The following SETD5 variants were observed in gnomAD, a reference collection of about 807,000 sequenced individuals.
SETD5 encodes the protein SET domain containing 5.
In SETD5, 44 loss-of-function variants were observed where a neutral mutation model predicts 153.3. That is an observed-to-expected ratio of 0.29 (90% CI 0.23 to 0.37). The LOEUF (loss-of-function observed/expected upper bound fraction) is 0.37. Ranked by LOEUF, SETD5 falls within the 10% of genes least tolerant of loss-of-function variation. SETD5 has a pLI of 1.00. For synonymous variants in SETD5, 716 were observed against 645.2 expected (o/e 1.11, Z -1.66); for missense variants, 1,544 against 1,768.0 (o/e 0.87, Z 2.27).
intron 18 of SETD5, chr3:9,468,450 T>G: frequency 3.1e-6 from 4 of 1,276,328 alleles, no homozygotes; most frequent in Non-Finnish European, 4.1e-6. Context: ...CTTGCTTTTA[T>G]TTTTTGTTTT....
chr3:9,417,525 G>T (rs969700562), intron 1 of SETD5, among the ~76,000 whole-genome samples: 2 of 143,414 alleles, frequency 1.4e-5, no homozygotes, highest in Non-Finnish European at 3.0e-5. Flanking sequence ...TCGCTCTATC[G>T]CCCAGGCTGG....
intron 13 of SETD5, among the ~76,000 whole-genome samples, chr3:9,445,962 GTTGT>G (rs1250696171): frequency 2.5e-5 from 3 of 120,248 alleles, no homozygotes; most frequent in Admixed American, 8.8e-5. Flanking sequence ...GTTTGAAGAG[GTTGT>G]TTTTTTTTTT....
At chr3:9,430,274 G>A in intron 3 of SETD5, 1 of 984,758 alleles carries the variant, frequency 1.0e-6, no homozygotes, top group Non-Finnish European at 1.2e-6. Flanking sequence ...GTTCCTTAAA[G>A]AGGAAGACTT....
chr3:9,454,991 T>C (rs1231560402), intron 17 of SETD5, among the ~76,000 whole-genome samples: 2 of 152,088 alleles, frequency 1.3e-5, no homozygotes, highest in Non-Finnish European at 2.9e-5. Flanking sequence ...CACTTCATTG[T>C]TCCTGTTTAC....
chr3:9,429,004 A>C lies in SETD5; in HGVS notation c.66A>C (p.Gly22=). 1 of 1,612,208 alleles carries C rather than the reference A, an allele frequency of 6.2e-7. No individual in the cohort carries two copies. The highest frequency in any genetic ancestry group is 8.5e-7 in the Non-Finnish European group (1 of 1,178,834). ...CATCCTACTCAGATATGGCTGCTGG[A>C]TCAGAGTAAGTGCTACTTTCTAGGT... The part of the protein sequence containing the change: ...SDTSYSDMAA[G]SDPESVEASP... The change falls in exon 3 of 23, where the codon GGA becomes GGC. Residue 22 remains glycine (G), a synonymous_variant. Transcript: ENST00000402198.
At chr3:9,432,486 A>T (rs1297665123) in intron 3 of SETD5, among the ~76,000 whole-genome samples, 1 of 152,104 alleles carries the variant, frequency 6.6e-6, no homozygotes, top group Non-Finnish European at 1.5e-5. Context: ...GCATTATTTG[A>T]CTCCCTGAAA....
intron 15 of SETD5, 132 bp downstream of exon 15, chr3:9,448,138 A>G: frequency 2.5e-6 from 3 of 1,193,762 alleles, no homozygotes; most frequent in Non-Finnish European, 3.4e-6. Context: ...GCTTTGACAC[A>G]AAAGGCTGGA....
At chr3:9,466,316 C>A (rs1274273465) in intron 18 of SETD5, among the ~76,000 whole-genome samples, 7 of 146,296 alleles carry the variant, frequency 4.8e-5, no homozygotes, top group Admixed American at 6.8e-5. Flanking sequence ...AAAAGAAAAT[C>A]AGAAGGTAAG....
intron 3 of SETD5, chr3:9,429,779 C>G: frequency 8.2e-7 from 1 of 1,217,668 alleles, no homozygotes; most frequent in Non-Finnish European, 1.1e-6. Flanking sequence ...CACAGATTCC[C>G]CCTCTTGTCC....
At chr3:9,468,162 A>T (rs2044839089) in intron 18 of SETD5, among the ~76,000 whole-genome samples, 1 of 151,748 alleles carries the variant, frequency 6.6e-6, no homozygotes, top group Non-Finnish European at 1.5e-5. Flanking sequence ...GGTGCCCCTC[A>T]ATAACAAATA....
At position 9,476,042 on chromosome 3, in the gene SETD5, T is replaced by G; in HGVS notation, c.4280T>G (p.Leu1427Arg). The G allele has an allele frequency of 6.2e-7, 1 of 1,611,838 alleles. No individual in the cohort carries two copies. Among genetic ancestry groups the G allele is most frequent in the South Asian group, 1.1e-5 (1 of 91,040 alleles). The stretch of plus-strand genomic sequence containing the variant: ...AGTGGGGGTGTGCACCAGTACCGAC[T>G]CCAGCCACTGCAAGGGTCAGGAGTC... ...RGSGGVHQYR[L>R]QPLQGSGVKT... The change falls in exon 23 of 23, where the codon CTC (leucine) becomes CGC (arginine). Residue 1427 changes from leucine to arginine, a missense_variant. By Grantham distance (102) the Leu-to-Arg change is moderately radical. This residue lies in a region of SETD5 where 302 missense variants were observed against 277.6 expected (regional missense o/e 1.09). Coordinates refer to ENST00000402198, the MANE Select transcript of SETD5 (RefSeq NM_001080517.3).
At chr3:9,457,114 G>A (rs1299552951) in intron 17 of SETD5, among the ~76,000 whole-genome samples, 2 of 152,208 alleles carry the variant, frequency 1.3e-5, no homozygotes, top group Non-Finnish European at 2.9e-5. Flanking sequence ...TAGGGCAGGG[G>A]CATGATGTTC....
intron 3 of SETD5, chr3:9,431,258 T>G (rs2039927803): frequency 1.0e-6 from 1 of 985,412 alleles, no homozygotes; most frequent in African/African-American, 1.7e-5. Context: ...TCAGGCATTT[T>G]CCAAGAAATG....
intron 1 of SETD5, among the ~76,000 whole-genome samples, chr3:9,414,027 G>A (rs62246304): frequency 0.12 from 17,733 of 152,070 alleles, 1,413 homozygotes; most frequent in Non-Finnish European, 0.18. Context: ...CTGCCACCTT[G>A]GCCTCCCAAA....
intron 2 of SETD5, among the ~76,000 whole-genome samples, chr3:9,428,206 T>C (rs2039547503): frequency 6.6e-6 from 1 of 152,156 alleles, no homozygotes; most frequent in South Asian, 2.1e-4. Context: ...ACCCCACAAA[T>C]AAAGTTGCTA....
At chr3:9,411,828 C>A (rs1466222365) in intron 1 of SETD5, among the ~76,000 whole-genome samples, 3 of 152,118 alleles carry the variant, frequency 2.0e-5, no homozygotes, top group East Asian at 3.8e-4. Flanking sequence ...TTCAATACTT[C>A]ATTGGTTATA....
At chr3:9,398,183 C>T (rs1480306122) in intron 1 of SETD5, 1 of 150,942 alleles carries the variant, frequency 6.6e-6, no homozygotes, top group African/African-American at 2.4e-5. Flanking sequence ...GAGAGAGATC[C>T]CCCTCTAATC....
chr3:9,445,163 A>G lies in SETD5; in HGVS notation c.1303A>G (p.Ile435Val), dbSNP rs1457228860. The G allele has an allele frequency of 1.2e-6, 2 of 1,614,012 alleles. No individual in the cohort carries two copies. The highest frequency in any genetic ancestry group is 4.5e-5 in the East Asian group (2 of 44,874). ...ACCACCTCCTCCAAGCCTACCCACC[A>G]TTGGAGCAGAGACTAGACGTAGAAA... ...LLPPPPSLPT[I>V]GAETRRRKAR... Residue 435 changes from isoleucine (I) to valine (V), a missense_variant, in exon 12 of 23, where the codon ATT (isoleucine) becomes GTT (valine). Physicochemically the swap from Ile to Val is conservative, Grantham distance 29. This residue lies in a region of SETD5 where 782 missense variants were observed against 787.2 expected (regional missense o/e 0.99). Coordinates refer to ENST00000402198, the MANE Select transcript of SETD5 (RefSeq NM_001080517.3).
intron 1 of SETD5, among the ~76,000 whole-genome samples, chr3:9,415,800 G>A (rs2037327752): frequency 6.6e-6 from 1 of 151,312 alleles, no homozygotes; most frequent in South Asian, 2.1e-4. Context: ...CTGGCCTCAA[G>A]TGATTCTCCT....
Sources: allele counts gnomAD v4.1 joint callset (sites outside exome capture counted in the v4.1 genomes callset), GRCh38; gene constraint gnomAD v4.1.1; regional missense constraint gnomAD v4.1.1; transcripts MANE v1.5; gene names NCBI Gene and HGNC (gene_info 2026-07-23, HGNC 2026-07-21).